ANKHD1: variants seen among roughly 807,000 people sequenced by gnomAD.
ANKHD1 encodes ankyrin repeat and KH domain containing 1, also known as ankyrin repeat and KH domain-containing protein 1.
A neutral mutation model predicts 230.5 loss-of-function variants in ANKHD1; 31 were observed. The observed-to-expected ratio is 0.13, with a 90% CI of 0.10 to 0.18. The LOEUF is 0.18. Among genes scored for constraint, ANKHD1 ranks in the 10% least tolerant of loss-of-function variants. ANKHD1 has a pLI of 1.00. For missense variants in ANKHD1, 2,256 were observed against 3,071.3 expected (o/e 0.73, Z 6.27); for synonymous variants, 1,074 against 1,117.6 (o/e 0.96, Z 0.78).
At chr5:140,530,287 C>T (rs774482881) in intron 29 of ANKHD1, among the ~76,000 whole-genome samples, 1 of 152,122 alleles carries the variant, frequency 6.6e-6, no homozygotes, top group South Asian at 2.1e-4. Context: ...TCTCAGCTCA[C>T]TGTAACCTCC....
intron 15 of ANKHD1, among the ~76,000 whole-genome samples, chr5:140,499,823 A>T (rs1752198868): frequency 6.6e-6 from 1 of 151,964 alleles, no homozygotes; most frequent in Non-Finnish European, 1.5e-5. Flanking sequence ...AATTCAAAAT[A>T]GCTTTTACCT....
At chr5:140,418,534 A>G (rs113737533) in intron 1 of ANKHD1, among the ~76,000 whole-genome samples, 2,462 of 152,080 alleles carry the variant, frequency 0.016, 73 homozygotes, top group African/African-American at 0.056. Flanking sequence ...GAAGCCGTGT[A>G]CTCCTTAGCA....
At chr5:140,418,831 A>G (rs1771623020) in intron 1 of ANKHD1, among the ~76,000 whole-genome samples, 1 of 152,208 alleles carries the variant, frequency 6.6e-6, no homozygotes, top group South Asian at 2.1e-4. Flanking sequence ...CTTGGGCTCA[A>G]GTGATTCTCG....
chr5:140,527,196 A>C lies in ANKHD1; in HGVS notation c.5087+122A>C. The C allele has an allele frequency of 7.4e-7, 1 of 1,348,044 alleles. No individual in the cohort carries two copies. The highest frequency in any genetic ancestry group is 9.6e-7 in the Non-Finnish European group (1 of 1,036,300). 83.5% of individuals were successfully genotyped at this position (1,348,044 alleles called of 1,614,324 possible). A position where few individuals can be genotyped will look rare whatever the true frequency, so the allele number is the denominator to read the frequency against. ...TTATTATTTTAAACTGCATTGCCAC[A>C]CTAAATCCAGAATATGCTAAAGCAA... On this transcript the variant is annotated intron_variant, in intron 27 of 33. Coordinates refer to ENST00000360839, the MANE Select transcript of ANKHD1 (RefSeq NM_017747.3). The surrounding 1 kb of genome is among the most constrained non-coding windows in gnomAD (Gnocchi z 4.5).
chr5:140,493,009 G>A (rs540387661), intron 14 of ANKHD1, among the ~76,000 whole-genome samples: 3 of 152,312 alleles, frequency 2.0e-5, no homozygotes, highest in Admixed American at 6.5e-5. Flanking sequence ...GGGAAAGTGA[G>A]AGGCAAAGGA....
chr5:140,539,293 A>G (rs1384455644), intron 33 of ANKHD1, 66 bp from the exon 34 acceptor site: 12 of 1,606,788 alleles, frequency 7.5e-6, no homozygotes, highest in East Asian at 2.2e-5. Context: ...TTGCATTTAT[A>G]TATTCATTTT....
chr5:140,467,690 G>A (rs1479174252), intron 10 of ANKHD1, among the ~76,000 whole-genome samples: 3 of 152,044 alleles, frequency 2.0e-5, no homozygotes, highest in African/African-American at 7.2e-5. Context: ...TAAAATTTGT[G>A]ACAGTGAAAA....
At chr5:140,424,743 A>G (rs1310209115) in intron 1 of ANKHD1, among the ~76,000 whole-genome samples, 1 of 152,176 alleles carries the variant, frequency 6.6e-6, no homozygotes, top group Middle Eastern at 3.2e-3. Flanking sequence ...TTCTGACAAT[A>G]TGATTGTTAG....
intron 1 of ANKHD1, among the ~76,000 whole-genome samples, chr5:140,410,062 A>G (rs907714149): frequency 1.3e-5 from 2 of 152,156 alleles, no homozygotes; most frequent in Admixed American, 1.3e-4. Flanking sequence ...TTCAATAGAT[A>G]ATTACATTCA....
chr5:140,507,735 A>G lies in ANKHD1; in HGVS notation c.3552-50A>G, dbSNP rs539145082. 14 of 1,590,182 alleles carry G rather than the reference A, an allele frequency of 8.8e-6. No individual in the cohort carries two copies. The highest frequency in any genetic ancestry group is 1.9e-4 in the Middle Eastern group (1 of 5,210). On this transcript the variant is annotated intron_variant, in intron 19 of 33. Coordinates refer to ENST00000360839, the MANE Select transcript of ANKHD1 (RefSeq NM_017747.3). The surrounding 1 kb of genome is among the most constrained non-coding windows in gnomAD (Gnocchi z 4.1). ...TTTTCATCTTTAATGCTTTTCTAAA[A>G]TAATAGGCAACATATTATTTTAATT...
In ANKHD1 at chr5:140,453,899, A is replaced by G. The variant is rs558279935; in HGVS notation, c.1242+4594A>G. Among the ~76,000 whole-genome samples the G allele has an allele frequency of 7.4e-4, 113 of 152,236 alleles. 1 individual carries two copies. Among genetic ancestry groups the G allele is most frequent in the Non-Finnish European group, 1.4e-3 (93 of 68,050 alleles). On this transcript the variant is annotated intron_variant, in intron 7 of 33. Transcript: ENST00000360839. ...AAATGTAAATGGGCTAAATGCTCCA[A>G]TTAAAAGACACAGACTGGCAAATTG...
At chr5:140,413,722 T>C (rs1282028002) in intron 1 of ANKHD1, among the ~76,000 whole-genome samples, 4 of 152,194 alleles carry the variant, frequency 2.6e-5, no homozygotes, top group Admixed American at 2.6e-4. Context: ...TGTGTGTATA[T>C]ATGTACACAC....
chr5:140,445,801 C>G lies in ANKHD1; in HGVS notation c.973C>G (p.Leu325Val), dbSNP rs1404234407. 6.2e-7 allele frequency: 1 copy of G among 1,613,090 alleles called. No individual in the cohort carries two copies. ...GGFVDIVKVL[L>V]NEGANIEDHN... The stretch of plus-strand genomic sequence containing the variant: ...ATTTGTTGACATTGTTAAAGTGCTC[C>G]TTAATGAAGGTGCAAATATAGAAGA... Residue 325 changes from leucine (L) to valine (V), a missense_variant, in exon 6 of 34, where the codon CTT (leucine) becomes GTT (valine). Around this residue, in one of 13 missense-constraint regions of ANKHD1, gnomAD observed 206 missense variants for 304.5 expected, o/e 0.68. Coordinates refer to ENST00000360839, the MANE Select transcript of ANKHD1 (RefSeq NM_017747.3).
At chr5:140,494,702 C>T (rs1450699120) in intron 14 of ANKHD1, among the ~76,000 whole-genome samples, 1 of 151,928 alleles carries the variant, frequency 6.6e-6, no homozygotes, top group African/African-American at 2.4e-5. Context: ...TTTTGTCACC[C>T]CTTTGAAATT....
intron 26 of ANKHD1, among the ~76,000 whole-genome samples, chr5:140,526,722 C>G (rs959689359): frequency 1.3e-5 from 2 of 152,052 alleles, no homozygotes; most frequent in Non-Finnish European, 2.9e-5. Context: ...TGATTATAGT[C>G]TAATTTTTGG....
At chr5:140,443,726 A>G (rs1774052615) in intron 5 of ANKHD1, among the ~76,000 whole-genome samples, 1 of 151,730 alleles carries the variant, frequency 6.6e-6, no homozygotes, top group Non-Finnish European at 1.5e-5. Flanking sequence ...GGGTACTGCC[A>G]ACAAGGAAGT....
intron 14 of ANKHD1, among the ~76,000 whole-genome samples, chr5:140,487,757 T>C (rs1189785185): frequency 1.4e-4 from 21 of 152,128 alleles, no homozygotes; most frequent in Admixed American, 1.4e-3. Flanking sequence ...ATAAAGAAAA[T>C]AGTTAATATG....
Position 140,506,708 on chromosome 5 carries a change from A to G in ANKHD1, c.3409-127A>G. The G allele has an allele frequency of 7.3e-7, 1 of 1,376,484 alleles. No homozygotes were observed. 85.3% of individuals were successfully genotyped at this position (1,376,484 alleles called of 1,614,324 possible). On this transcript the variant is annotated intron_variant, in intron 18 of 33. Transcript: ENST00000360839. The surrounding 1 kb of genome is among the most constrained non-coding windows in gnomAD (Gnocchi z 4.7). ...TTGATATTTCAATATTTAGGGTCTA[A>G]TGAAATGTAATTAAAATATCAGATA...
intron 6 of ANKHD1, among the ~76,000 whole-genome samples, chr5:140,448,588 T>C (rs1045690743): frequency 6.6e-6 from 1 of 152,240 alleles, no homozygotes; most frequent in African/African-American, 2.4e-5. Context: ...CTATTTTTGA[T>C]AGTAAAAACA....
Sources: gnomAD v4.1 joint callset for allele counts (sites outside exome capture counted in the v4.1 genomes callset) on GRCh38, gnomAD v4.1.1 for gene constraint, gnomAD v4.1.1 regional missense constraint, Gnocchi (gnomAD v3.1) non-coding constraint, MANE v1.5 for transcripts, NCBI Gene and HGNC (gene_info 2026-07-23, HGNC 2026-07-21) for gene names.